The following LYRM4 variants were observed in gnomAD, a reference collection of about 807,000 sequenced individuals.
The protein encoded by LYRM4 is LYR motif containing 4.
LYRM4 carries 9 observed loss-of-function variants against 11.7 expected under a neutral mutation model. The observed-to-expected ratio is 0.77, with a 90% CI of 0.46 to 1.34. The LOEUF is 1.34. Ranked by LOEUF, LYRM4 falls within the 40% of genes most tolerant of loss-of-function variation. LYRM4 has a pLI of 0.00. For synonymous variants in LYRM4, 42 were observed against 40.4 expected (o/e 1.04, Z -0.15); for missense variants, 133 against 112.5 (o/e 1.18, Z -0.82).
chr6:5,249,135 G>C (rs1764323113), intron 1 of LYRM4, among the ~76,000 whole-genome samples: 1 of 152,206 alleles, frequency 6.6e-6, no homozygotes, highest in South Asian at 2.1e-4. Context: ...CTGAAATACA[G>C]AAATGATTTT....
intron 2 of LYRM4, among the ~76,000 whole-genome samples, chr6:5,176,040 A>G (rs954051607): frequency 6.6e-6 from 1 of 151,552 alleles, no homozygotes; most frequent in Non-Finnish European, 1.5e-5. Context: ...GAGTTATAAC[A>G]AAAATGGTGG....
In LYRM4 at chr6:5,183,781, C is replaced by G. The variant is rs1280922184; in HGVS notation, c.207+32837G>C. ...TCTGACAACTAAATAAGAAGGCAAG[C>G]CTGAATCTTATTTAATGCTCCACTT... On this transcript the variant is annotated intron_variant, in intron 2 of 2. Coordinates refer to ENST00000330636, the MANE Select transcript of LYRM4 (RefSeq NM_020408.6). 2.6e-5 allele frequency among the ~76,000 whole-genome samples: 4 copies of G among 152,110 alleles called. No homozygotes were observed. In the East Asian group the frequency reaches 5.8e-4, roughly 22 times the overall value.
At chr6:5,161,055 T>C (rs1215406066) in intron 2 of LYRM4, among the ~76,000 whole-genome samples, 1 of 152,212 alleles carries the variant, frequency 6.6e-6, no homozygotes, top group Non-Finnish European at 1.5e-5. Flanking sequence ...GCTGAGACCC[T>C]ACATTGATAA....
intron 1 of LYRM4, among the ~76,000 whole-genome samples, chr6:5,245,114 ATATAT>A (rs1318620817): frequency 3.7e-3 from 45 of 12,002 alleles, no homozygotes; most frequent in Non-Finnish European, 4.4e-3. Context: ...AAAAAAAAAA[ATATAT>A]ATATATATAT....
At position 5,260,426 on chromosome 6, in the gene LYRM4, A is replaced by C. The variant is rs1581623710; in HGVS notation, c.86+222T>G. ...CTTTAGGGGGAAAACGTCACAAGACATGAACGTCTCCCCTGGTAGAAAGAA... is the reference window on the plus strand; with the variant it reads ...CTTTAGGGGGAAAACGTCACAAGACCTGAACGTCTCCCCTGGTAGAAAGAA... On this transcript the variant is annotated intron_variant, in intron 1 of 2. Transcript: ENST00000330636. 2.0e-5 allele frequency among the ~76,000 whole-genome samples: 3 copies of C among 152,380 alleles called. No homozygotes were observed. In the East Asian group the frequency reaches 5.8e-4, roughly 29 times the overall value.
intron 2 of LYRM4, among the ~76,000 whole-genome samples, chr6:5,157,973 C>T (rs2746239): frequency 0.78 from 118,076 of 152,186 alleles, 46,018 homozygotes; most frequent in East Asian, 0.93. Flanking sequence ...GGATGCAGGA[C>T]TTGACAGGGG....
At chr6:5,225,958 C>T (rs1762868993) in intron 1 of LYRM4, among the ~76,000 whole-genome samples, 1 of 152,112 alleles carries the variant, frequency 6.6e-6, no homozygotes, top group East Asian at 1.9e-4. Context: ...CCACATTGTC[C>T]CAGGTCTATT....
At chr6:5,086,053 C>T in the LYRM4 span, 1 of 1,478,936 alleles carries the variant, frequency 6.8e-7, no homozygotes, top group Non-Finnish European at 8.9e-7. Flanking sequence ...GGCCGCGCCC[C>T]TTTCAGCGCC....
intron 2 of LYRM4, among the ~76,000 whole-genome samples, chr6:5,126,445 A>G (rs1763703219): frequency 6.6e-6 from 1 of 152,240 alleles, no homozygotes; most frequent in Non-Finnish European, 1.5e-5. Context: ...TGCATGAAAA[A>G]GCAACTGAAG....
chr6:5,129,250 G>A (rs1763835573), intron 2 of LYRM4, among the ~76,000 whole-genome samples: 1 of 152,224 alleles, frequency 6.6e-6, no homozygotes. Context: ...CTGTGTGTTA[G>A]CTTCCTAATG....
At chr6:5,243,234 C>A (rs564823594) in intron 1 of LYRM4, among the ~76,000 whole-genome samples, 1 of 152,334 alleles carries the variant, frequency 6.6e-6, no homozygotes, top group East Asian at 1.9e-4. Flanking sequence ...TGCCCCGTCA[C>A]CGAGTCAGAC....
At chr6:5,124,258 G>T (rs1248096587) in intron 2 of LYRM4, among the ~76,000 whole-genome samples, 1 of 152,236 alleles carries the variant, frequency 6.6e-6, no homozygotes, top group East Asian at 1.9e-4. Flanking sequence ...AGAAGCCTTG[G>T]CCTCCACACC....
In LYRM4 at chr6:5,159,867, T is replaced by G. The variant is rs77669004; in HGVS notation, c.208-50376A>C. On this transcript the variant is annotated intron_variant, in intron 2 of 2. Transcript: ENST00000330636. Reference sequence around the variant, plus strand: ...CCCTCTTGACACATGTGCACTGGCTTGGAATCTGCTTTATTTTCTCACATC... The same window carrying G: ...CCCTCTTGACACATGTGCACTGGCTGGGAATCTGCTTTATTTTCTCACATC... Among the ~76,000 whole-genome samples the G allele has an allele frequency of 7.3e-4, 111 of 152,348 alleles. 1 individual carries two copies. In the East Asian group the frequency reaches 0.015, roughly 21 times the overall value.
the LYRM4 span, among the ~76,000 whole-genome samples, chr6:5,059,340 CA>C: frequency 0.073 from 6,249 of 85,934 alleles, 354 homozygotes; most frequent in African/African-American, 0.21. Flanking sequence ...CGCCCTGTCT[CA>C]AAAAAAAAAA....
At chr6:5,081,799 A>G in the LYRM4 span, among the ~76,000 whole-genome samples, 1 of 152,210 alleles carries the variant, frequency 6.6e-6, no homozygotes. Flanking sequence ...TAATGAGATG[A>G]CTGAGAGTGG....
chr6:5,152,219 G>A (rs1758126823), intron 2 of LYRM4, among the ~76,000 whole-genome samples: 3 of 152,176 alleles, frequency 2.0e-5, no homozygotes, highest in Non-Finnish European at 4.4e-5. Context: ...CCCATGGTTA[G>A]CACGCCAGTG....
At chr6:5,033,171 G>A in the LYRM4 span, 1 of 144,214 alleles carries the variant, frequency 6.9e-6, no homozygotes, top group Non-Finnish European at 1.5e-5. Context: ...CCCACGCCCA[G>A]ACAGACTCTT....
chr6:5,089,474 A>G, the LYRM4 span: 1 of 152,230 alleles, frequency 6.6e-6, no homozygotes, highest in Non-Finnish European at 1.5e-5. Flanking sequence ...GCCCAATATA[A>G]TGATTCAAAC....
chr6:5,255,940 T>C (rs1433644513), intron 1 of LYRM4, among the ~76,000 whole-genome samples: 2 of 152,168 alleles, frequency 1.3e-5, no homozygotes, highest in Non-Finnish European at 2.9e-5. Flanking sequence ...TAATTTGACT[T>C]ATGATGATAA....
Sources: allele counts gnomAD v4.1 joint callset (sites outside exome capture counted in the v4.1 genomes callset), GRCh38; gene constraint gnomAD v4.1.1; transcripts MANE v1.5; gene names NCBI Gene and HGNC (gene_info 2026-07-23, HGNC 2026-07-21).